The following FAS variants were observed in gnomAD, a reference collection of about 807,000 sequenced individuals.
FAS encodes the protein tumor necrosis factor receptor superfamily member 6.
Under a neutral mutation model 33.2 loss-of-function variants are expected in FAS, and 5 were observed. The observed-to-expected ratio is 0.15, with a 90% CI of 0.08 to 0.32. The LOEUF is 0.32. Among genes scored for constraint, FAS ranks in the 10% least tolerant of loss-of-function variants. The probability of loss-of-function intolerance (pLI) is 1.00; values close to 1 mark genes in which losing one functional copy is unlikely to be tolerated. For synonymous variants in FAS, 131 were observed against 130.7 expected, an observed-to-expected ratio of 1.00 and a Z score of -0.01; for missense variants, 339 against 386.0, an observed-to-expected ratio of 0.88 and a Z score of 1.02.
chr10:88,989,381 GT>G, upstream of FAS: 1 of 367,254 alleles, frequency 2.7e-6, no homozygotes, highest in South Asian at 2.2e-5. Context: ...TTTTGGAATA[GT>G]TTTAGGATTT....
chr10:88,990,083 C>T (rs968763995), upstream of FAS, among the ~76,000 whole-genome samples: 1 of 152,144 alleles, frequency 6.6e-6, no homozygotes, highest in Non-Finnish European at 1.5e-5. The surrounding 1 kb of genome is among the most constrained non-coding windows in gnomAD (Gnocchi z 4.9). Context: ...TGGGGCTATG[C>T]GATTTGGCTT....
chr10:88,989,526 A>G (rs1246133566), upstream of FAS: 1 of 544,038 alleles, frequency 1.8e-6, no homozygotes, highest in Non-Finnish European at 3.6e-6. Context: ...TGGCACTAAC[A>G]GTCTACTGAA....
Position 89,015,644 on chromosome 10 carries a change from G to C in FAS, c.*1194G>C. 4.0e-6 allele frequency: 2 copies of C among 498,522 alleles called. No individual in the cohort carries two copies. Among genetic ancestry groups the C allele is most frequent in the South Asian group, 1.8e-5 (1 of 56,642 alleles). 30.9% of individuals were successfully genotyped at this position (498,522 alleles called of 1,614,324 possible). On this transcript the variant is annotated 3_prime_UTR_variant, in exon 9 of 9. Coordinates refer to ENST00000652046, the MANE Select transcript of FAS (RefSeq NM_000043.6). ...AAATAATATTTATATTTCTGTAAAT[G>C]TAAACTGTGAAGATAGTTATAAACT...
At chr10:88,988,191 A>G (rs1356403246), upstream of FAS, among the ~76,000 whole-genome samples, 2 of 152,208 alleles carry the variant, frequency 1.3e-5, no homozygotes, top group Non-Finnish European at 1.5e-5. Context: ...ATAGTTAAGA[A>G]GAGGGGAGAG....
chr10:88,987,074 T>C (rs1335491319), upstream of FAS, among the ~76,000 whole-genome samples: 1 of 152,218 alleles, frequency 6.6e-6, no homozygotes, highest in Non-Finnish European at 1.5e-5. Context: ...CAAGAACCCA[T>C]ACATATTTCT....
At chr10:88,990,317 G>A (rs1847084533), upstream of FAS, among the ~76,000 whole-genome samples, 1 of 152,184 alleles carries the variant, frequency 6.6e-6, no homozygotes, top group Admixed American at 6.5e-5. The surrounding 1 kb of genome is among the most constrained non-coding windows in gnomAD (Gnocchi z 4.9). Context: ...CTGTACCCAG[G>A]CAGGACCTCT....
At chr10:88,982,633 AG>A (rs1215948634), upstream of FAS, among the ~76,000 whole-genome samples, 5 of 152,216 alleles carry the variant, frequency 3.3e-5, no homozygotes, top group Non-Finnish European at 7.3e-5. Flanking sequence ...CAGAAATAAA[AG>A]CTCAGTGTCT....
chr10:88,998,595 A>AT, intron 1 of FAS, among the ~76,000 whole-genome samples: 1 of 152,282 alleles, frequency 6.6e-6, no homozygotes, highest in East Asian at 1.9e-4. Flanking sequence ...GGGTATCAGT[A>AT]TCACTATATG....
At chr10:88,986,474 T>A (rs188549542), upstream of FAS, among the ~76,000 whole-genome samples, 1 of 152,304 alleles carries the variant, frequency 6.6e-6, no homozygotes, top group Non-Finnish European at 1.5e-5. Flanking sequence ...TTTCAGTCAT[T>A]GCTCAAGAGG....
At chr10:88,993,439 G>A (rs1377541199) in intron 1 of FAS, among the ~76,000 whole-genome samples, 3 of 152,080 alleles carry the variant, frequency 2.0e-5, no homozygotes, top group Non-Finnish European at 4.4e-5. Context: ...TTTGAATTCC[G>A]AAGCCTCTAA....
At chr10:89,013,925 T>G (rs1848655871) in intron 8 of FAS, among the ~76,000 whole-genome samples, 194 bp from the exon 9 acceptor site, 1 of 152,206 alleles carries the variant, frequency 6.6e-6, no homozygotes, top group Non-Finnish European at 1.5e-5. Flanking sequence ...ATTTAACAAA[T>G]TACTGGGTAT....
chr10:88,998,089 A>G (rs1351499113), intron 1 of FAS, among the ~76,000 whole-genome samples: 2 of 152,194 alleles, frequency 1.3e-5, no homozygotes. Flanking sequence ...TTCATTCCTT[A>G]TATTAAATTC....
chr10:89,012,317 G>T, intron 7 of FAS: 2 of 468,670 alleles, frequency 4.3e-6, no homozygotes, highest in Non-Finnish European at 7.8e-6. Context: ...GGGACTACAG[G>T]CATGCACCAC....
intron 1 of FAS, among the ~76,000 whole-genome samples, chr10:89,000,499 A>C (rs1380481652): frequency 6.6e-6 from 1 of 152,258 alleles, no homozygotes; most frequent in Non-Finnish European, 1.5e-5. Flanking sequence ...AAAATGAAGA[A>C]AAATAGTCTT....
intron 2 of FAS, among the ~76,000 whole-genome samples, chr10:88,976,038 C>T (rs1212440486): frequency 1.3e-5 from 2 of 152,070 alleles, no homozygotes; most frequent in African/African-American, 4.8e-5. Flanking sequence ...TGTCCCATCC[C>T]GATTAGGACC....
At chr10:88,995,287 C>T (rs1847518968) in intron 1 of FAS, among the ~76,000 whole-genome samples, 1 of 152,142 alleles carries the variant, frequency 6.6e-6, no homozygotes, top group Admixed American at 6.5e-5. Context: ...TTTGAAGTGA[C>T]AGTGTGAGTA....
At chr10:88,973,229 G>A (rs1846489280) in exon 2 of FAS, 7 of 1,612,406 alleles carry the variant, frequency 4.3e-6, no homozygotes, top group Non-Finnish European at 5.9e-6. Context: ...CTTTGGAGAT[G>A]GAGCCCCTGA....
At position 89,015,409 on chromosome 10, in the gene FAS, C is replaced by A. The variant is rs779767453; in HGVS notation, c.*959C>A. 1 of 530,908 alleles carries A rather than the reference C, an allele frequency of 1.9e-6. No homozygotes were observed. The highest frequency in any genetic ancestry group is 3.6e-6 in the Non-Finnish European group (1 of 274,078). The allele number at this position is 530,908 out of a possible 1,614,324, so 32.9% of individuals were successfully genotyped here. A position where few individuals can be genotyped will look rare whatever the true frequency, so the allele number is the denominator to read the frequency against. On this transcript the variant is annotated 3_prime_UTR_variant, in exon 9 of 9. Coordinates refer to ENST00000652046, the MANE Select transcript of FAS (RefSeq NM_000043.6). Reference sequence around the variant, plus strand: ...GCAATCAAAGATGATAAAATAGATTCTTATTTTTCCCCCACCCCCGAAAAT... The same window carrying A: ...GCAATCAAAGATGATAAAATAGATTATTATTTTTCCCCCACCCCCGAAAAT...
intron 2 of FAS, among the ~76,000 whole-genome samples, chr10:88,976,191 A>G (rs556968243): frequency 4.3e-4 from 66 of 152,196 alleles, no homozygotes; most frequent in African/African-American, 1.5e-3. Context: ...AACACTAACT[A>G]TAGCTGATGA....
Sources: gnomAD v4.1 joint callset for allele counts (sites outside exome capture counted in the v4.1 genomes callset) on GRCh38, gnomAD v4.1.1 for gene constraint, Gnocchi (gnomAD v3.1) non-coding constraint, MANE v1.5 for transcripts, NCBI Gene and HGNC (gene_info 2026-07-23, HGNC 2026-07-21) for gene names.